Variants in SHE observed in about 807,000 individuals in gnomAD.
The protein encoded by SHE is SH2 domain-containing adapter protein E.
A neutral mutation model predicts 49.8 loss-of-function variants in SHE; 11 were observed. The ratio of observed to expected loss-of-function variants is 0.22; its 90% CI spans 0.14 to 0.37. The LOEUF is 0.37. Ranked by LOEUF, SHE falls within the 10% of genes least tolerant of loss-of-function variation. SHE has a pLI of 1.00. For missense variants in SHE, 624 were observed against 655.5 expected, an observed-to-expected ratio of 0.95 and a Z score of 0.52; for synonymous variants, 310 against 278.1, an observed-to-expected ratio of 1.11 and a Z score of -1.14.
chr1:154,493,828 A>T (rs1692443535), intron 2 of SHE, among the ~76,000 whole-genome samples: 1 of 152,192 alleles, frequency 6.6e-6, no homozygotes, highest in Admixed American at 6.5e-5. Flanking sequence ...GGCTGTACTG[A>T]CTAGGTATAC....
intron 1 of SHE, 132 bp from the exon 2 acceptor site, chr1:154,499,370 T>A: frequency 1.0e-6 from 1 of 994,690 alleles, no homozygotes; most frequent in Non-Finnish European, 1.4e-6. Context: ...CCAGATAGCT[T>A]TTGCACTTGA....
At chr1:154,488,570 T>G (rs545918017) in intron 3 of SHE, among the ~76,000 whole-genome samples, 1 of 151,666 alleles carries the variant, frequency 6.6e-6, no homozygotes, top group East Asian at 1.9e-4. Flanking sequence ...GTTATACTTT[T>G]ATTTATTTAT....
intron 2 of SHE, among the ~76,000 whole-genome samples, chr1:154,491,266 G>T (rs1218382263): frequency 6.6e-6 from 1 of 152,144 alleles, no homozygotes; most frequent in Non-Finnish European, 1.5e-5. Context: ...CACTGAGAAC[G>T]GCATGGGAGG....
intron 1 of SHE, among the ~76,000 whole-genome samples, chr1:154,500,148 A>G (rs1692660779): frequency 6.6e-6 from 1 of 152,250 alleles, no homozygotes; most frequent in Non-Finnish European, 1.5e-5. Context: ...TCAGACACCC[A>G]GAAGTGACAA....
chr1:154,471,956 T>G (rs1490206843), intron 1 of SHE, among the ~76,000 whole-genome samples: 1 of 152,100 alleles, frequency 6.6e-6, no homozygotes, highest in African/African-American at 2.4e-5. Flanking sequence ...GTGGATCACT[T>G]GAGGTCAGGA....
intron 2 of SHE, 53 bp downstream of exon 2, chr1:154,499,059 C>A: frequency 6.3e-7 from 1 of 1,597,066 alleles, no homozygotes; most frequent in Non-Finnish European, 8.6e-7. Flanking sequence ...TATATTACAA[C>A]ACTCACTGAG....
At chr1:154,486,497 C>CT (rs1177694416) in intron 4 of SHE, 30 bp downstream of exon 4, 2 of 1,610,468 alleles carry the variant, frequency 1.2e-6, no homozygotes, top group Admixed American at 1.7e-5. Context: ...CAGCTGTTGT[C>CT]TGTTACAAGG....
rs778727100 is a variant in SHE, at chr1:154,486,011, G to A, written c.1233C>T (p.Pro411=). The A allele has an allele frequency of 1.2e-6, 2 of 1,614,138 alleles. No individual in the cohort carries two copies. The highest frequency in any genetic ancestry group is 2.2e-5 in the South Asian group (2 of 91,086). ...SRAEAESRLQ[P]CKEAGYLVRN... ...GAACCAGGTAACCAGCTTCTTTGCA[G>A]GGCTGTAGTCGACTCTCAGCCTCAG... The change falls in exon 5 of 6, where the codon CCC becomes CCT. Residue 411 remains proline (P), a synonymous_variant. Transcript: ENST00000304760.
Position 154,501,851 on chromosome 1 carries a change from C to G in SHE, c.176G>C (p.Gly59Ala), listed in dbSNP as rs763277165. ...LKTVSERAKP[G>A]GGGGKLRKNS... ...CTTGCGCAATTTGCCGCCGCCGCCC[C>G]CGGGCTTGGCCCGCTCCGACACGGT... The change falls in exon 1 of 6, where the codon GGG (glycine) becomes GCG (alanine). Residue 59 changes from glycine to alanine, a missense_variant. By Grantham distance (60) the Gly-to-Ala change is moderately conservative. Transcript: ENST00000304760. The G allele has an allele frequency of 5.1e-5, 78 of 1,538,516 alleles. 2 individuals are homozygous for G. In the South Asian group the frequency reaches 8.9e-4, roughly 18 times the overall value.
At chr1:154,477,360 C>T (rs543078361), downstream of SHE, among the ~76,000 whole-genome samples, 1 of 152,218 alleles carries the variant, frequency 6.6e-6, no homozygotes, top group South Asian at 2.1e-4. Context: ...AATTTACCAT[C>T]TTAACCACCT....
intron 2 of SHE, among the ~76,000 whole-genome samples, chr1:154,498,079 A>G (rs141127596): frequency 6.6e-6 from 1 of 151,672 alleles, no homozygotes; most frequent in East Asian, 2.0e-4. Flanking sequence ...ACAGAATCAC[A>G]TCATGTTTGC....
At chr1:154,492,405 C>T (rs528276157) in intron 2 of SHE, among the ~76,000 whole-genome samples, 8 of 152,138 alleles carry the variant, frequency 5.3e-5, no homozygotes, top group South Asian at 2.1e-4. Context: ...CCTCATTCTC[C>T]GGAGCCTGTC....
intron 5 of SHE, chr1:154,484,619 T>G (rs573369101): frequency 2.5e-5 from 8 of 317,020 alleles, no homozygotes; most frequent in African/African-American, 1.5e-4. Context: ...AGCTCTCAAA[T>G]TGCAAAACCA....
rs1328660603 is a variant in SHE at position 154,484,119 on chromosome 1, CAG to C, written c.*28_*29del. 15 of 1,599,088 alleles carry C rather than the reference CAG, an allele frequency of 9.4e-6. No individual in the cohort carries two copies. The highest frequency in any genetic ancestry group is 1.2e-5 in the Non-Finnish European group (14 of 1,169,300). ...GCGCTGATGATGCCCTTGAAGGTGC[CAG>C]AGGCCCAGGGCTTGCAGTGGCTGAA... On this transcript the variant is annotated 3_prime_UTR_variant, in exon 6 of 6. Transcript: ENST00000304760.
At chr1:154,475,768 G>A (rs1393088631), downstream of SHE, among the ~76,000 whole-genome samples, 1 of 152,058 alleles carries the variant, frequency 6.6e-6, no homozygotes, top group Non-Finnish European at 1.5e-5. Flanking sequence ...GGGACAGGGT[G>A]GTTCATTGTA....
intron 1 of SHE, among the ~76,000 whole-genome samples, chr1:154,499,773 G>T (rs1406932533): frequency 6.6e-6 from 1 of 152,174 alleles, no homozygotes; most frequent in Non-Finnish European, 1.5e-5. Context: ...AGGCTTCATA[G>T]ATGAGAAGTA....
chr1:154,471,838 A>C (rs1469993665), intron 1 of SHE, among the ~76,000 whole-genome samples: 1 of 152,212 alleles, frequency 6.6e-6, no homozygotes, highest in Non-Finnish European at 1.5e-5. Context: ...CATCATGGGA[A>C]GCTGCATTTT....
chr1:154,489,022 C>A (rs763468143), intron 3 of SHE, 29 bp downstream of exon 3: 1 of 1,521,882 alleles, frequency 6.6e-7, no homozygotes, highest in Non-Finnish European at 8.8e-7. Flanking sequence ...TGAAGTCACA[C>A]TGGGGCGGGC....
Position 154,501,805 on chromosome 1 carries a change from A to C in SHE, c.222T>G (p.Ala74=), listed in dbSNP as rs935436940. 1.4e-5 allele frequency: 22 copies of C among 1,552,336 alleles called. No individual in the cohort carries two copies. Among genetic ancestry groups the C allele is most frequent in the Non-Finnish European group, 1.6e-5 (19 of 1,156,764 alleles). Residue 74 remains alanine (A), a synonymous_variant, in exon 1 of 6, where the codon GCT becomes GCG. Coordinates refer to ENST00000304760, the MANE Select transcript of SHE (RefSeq NM_001010846.3). ...TGCGGCCCTTGCCAGGACCCGGCCC[A>C]GCGCCGCCCGCCTCCGAGTTCTTGC... ...KLRKNSEAGG[A]GPGPGKGRKN...
Sources: allele counts gnomAD v4.1 joint callset (sites outside exome capture counted in the v4.1 genomes callset), GRCh38; gene constraint gnomAD v4.1.1; transcripts MANE v1.5; gene names NCBI Gene and HGNC (gene_info 2026-07-23, HGNC 2026-07-21).